The following CSRNP3 variants were observed in gnomAD, a reference collection of about 807,000 sequenced individuals.
CSRNP3 encodes the protein cysteine/serine-rich nuclear protein 3.
Under a neutral mutation model 48.0 loss-of-function variants are expected in CSRNP3, and 12 were observed. The ratio of observed to expected loss-of-function variants is 0.25; its 90% CI spans 0.16 to 0.41. CSRNP3 has a LOEUF of 0.41. CSRNP3 is among the 10% of genes least tolerant of loss of function. The probability of loss-of-function intolerance (pLI) is 1.00; values close to 1 mark genes in which losing one functional copy is unlikely to be tolerated. For synonymous variants in CSRNP3, 263 were observed against 269.7 expected (o/e 0.98, Z 0.24); for missense variants, 580 against 724.4 (o/e 0.80, Z 2.29).
chr2:165,542,528 C>G (rs940528369), intron 3 of CSRNP3, among the ~76,000 whole-genome samples: 6 of 152,126 alleles, frequency 3.9e-5, no homozygotes, highest in Non-Finnish European at 5.9e-5. Context: ...AGCACCTTCA[C>G]TATATCATGA....
Position 165,685,298 on chromosome 2 carries a change from T to C in CSRNP3, c.*5545T>C, listed in dbSNP as rs1307899135. Reference sequence around the variant, plus strand: ...ACCATGAGACCCCCTTCCTAAACAATGCAGTTGTTTTGTTTTATTCTTTTT... The same window carrying C: ...ACCATGAGACCCCCTTCCTAAACAACGCAGTTGTTTTGTTTTATTCTTTTT... On this transcript the variant is annotated 3_prime_UTR_variant, in exon 7 of 7. Coordinates refer to ENST00000651982, the MANE Select transcript of CSRNP3 (RefSeq NM_001172173.2). The C allele has an allele frequency of 6.6e-6, 1 of 152,054 alleles. No homozygotes were observed. Among genetic ancestry groups the C allele is most frequent in the Non-Finnish European group, 1.5e-5 (1 of 67,986 alleles). 9.4% of individuals were successfully genotyped at this position (152,054 alleles called of 1,614,324 possible).
chr2:165,510,285 G>A (rs1487427990), intron 2 of CSRNP3, among the ~76,000 whole-genome samples: 1 of 151,988 alleles, frequency 6.6e-6, no homozygotes, highest in East Asian at 1.9e-4. Context: ...ATGTTCTTTG[G>A]AAACTTTTTG....
At chr2:165,536,323 T>C (rs1179604768) in intron 3 of CSRNP3, among the ~76,000 whole-genome samples, 1 of 151,966 alleles carries the variant, frequency 6.6e-6, no homozygotes, top group African/African-American at 2.4e-5. Context: ...TAACCATGCT[T>C]AAACAAGTTT....
intron 3 of CSRNP3, among the ~76,000 whole-genome samples, chr2:165,594,294 A>G (rs1163892110): frequency 2.0e-5 from 3 of 152,194 alleles, no homozygotes; most frequent in Non-Finnish European, 4.4e-5. Context: ...TTCTGCAAAG[A>G]AAGTTTGTGC....
In CSRNP3 at chr2:165,625,730, C is replaced by T. The variant is rs192983273; in HGVS notation, c.148+30517C>T. On this transcript the variant is annotated intron_variant, in intron 4 of 6. Coordinates refer to ENST00000651982, the MANE Select transcript of CSRNP3 (RefSeq NM_001172173.2). ...CTTTGGGAGGCTGAGGTCAGGAGTT[C>T]GAGACCATCCTGGCCAACATGGTAA... Among the ~76,000 whole-genome samples the T allele has an allele frequency of 1.9e-4, 29 of 149,234 alleles. 3 individuals carry two copies. The East Asian group carries it at 4.3e-3, about 22-fold the overall frequency.
At chr2:165,531,343 A>G (rs928264078) in intron 3 of CSRNP3, among the ~76,000 whole-genome samples, 5 of 152,184 alleles carry the variant, frequency 3.3e-5, no homozygotes, top group Non-Finnish European at 7.4e-5. Context: ...ACACCAATCC[A>G]TACTAATGAC....
chr2:165,639,163 T>G (rs1003937718), intron 4 of CSRNP3, among the ~76,000 whole-genome samples: 35 of 152,220 alleles, frequency 2.3e-4, no homozygotes, highest in Non-Finnish European at 7.3e-5. Context: ...CATTTAGGAA[T>G]AGTAGACAGC....
chr2:165,571,585 A>G (rs1371015618), intron 3 of CSRNP3, among the ~76,000 whole-genome samples: 2 of 152,040 alleles, frequency 1.3e-5, no homozygotes, highest in African/African-American at 2.4e-5. Flanking sequence ...ACTTGTTAAC[A>G]TTGAAATCAG....
intron 5 of CSRNP3, among the ~76,000 whole-genome samples, chr2:165,671,407 G>A (rs1427523881): frequency 6.6e-6 from 1 of 152,218 alleles, no homozygotes; most frequent in Non-Finnish European, 1.5e-5. Flanking sequence ...CTCAACCATG[G>A]CAGAAGGTCA....
intron 3 of CSRNP3, among the ~76,000 whole-genome samples, chr2:165,572,091 A>C (rs1156597429): frequency 6.6e-6 from 1 of 152,152 alleles, no homozygotes; most frequent in Non-Finnish European, 1.5e-5. Flanking sequence ...ATTATTATTC[A>C]ACCTCTTATT....
At chr2:165,673,363 C>T (rs1434296046) in intron 5 of CSRNP3, among the ~76,000 whole-genome samples, 1 of 151,760 alleles carries the variant, frequency 6.6e-6, no homozygotes, top group East Asian at 1.9e-4. Context: ...GTCTCGAACT[C>T]CTGACCTCAA....
chr2:165,599,330 G>A (rs990878468), intron 4 of CSRNP3, among the ~76,000 whole-genome samples: 15 of 78,646 alleles, frequency 1.9e-4, no homozygotes, highest in African/African-American at 7.1e-4. Flanking sequence ...AGAAAGAAAG[G>A]AAAAGAAAAA....
chr2:165,666,060 A>G (rs925580404), intron 5 of CSRNP3, among the ~76,000 whole-genome samples: 4 of 26,508 alleles, frequency 1.5e-4, no homozygotes, highest in Non-Finnish European at 3.9e-4. Flanking sequence ...AAGAGAGAGG[A>G]AGAAAGAAAG....
intron 4 of CSRNP3, among the ~76,000 whole-genome samples, chr2:165,627,034 T>C (rs945257379): frequency 2.0e-5 from 3 of 152,188 alleles, no homozygotes; most frequent in African/African-American, 7.2e-5. Flanking sequence ...TAGTTCTTGA[T>C]GGCTGCCTTT....
rs562875028 is a variant in CSRNP3 at position 165,641,566 on chromosome 2, T to C, written c.149-16195T>C. On this transcript the variant is annotated intron_variant, in intron 4 of 6. Coordinates refer to ENST00000651982, the MANE Select transcript of CSRNP3 (RefSeq NM_001172173.2). ...TTAAAAGAATTCTTCTTCTCACTTT[T>C]TCCTTTTTTCCAACTCTAAAGACCA... Among the ~76,000 whole-genome samples the C allele has an allele frequency of 1.4e-4, 22 of 152,288 alleles. No individual in the cohort carries two copies. In the South Asian group the frequency reaches 4.4e-3, roughly 30 times the overall value.
intron 2 of CSRNP3, among the ~76,000 whole-genome samples, chr2:165,515,619 CTT>C (rs1684571012): frequency 6.6e-6 from 1 of 151,306 alleles, no homozygotes; most frequent in Non-Finnish European, 1.5e-5. Context: ...GCAGCAGAAA[CTT>C]TTATTTCTAG....
chr2:165,550,083 A>T (rs1685078243), intron 3 of CSRNP3, among the ~76,000 whole-genome samples: 1 of 152,174 alleles, frequency 6.6e-6, no homozygotes, highest in African/African-American at 2.4e-5. Flanking sequence ...GGAATTTCAG[A>T]TGTAGTGAAA....
chr2:165,539,897 T>C (rs1558928986), intron 3 of CSRNP3, among the ~76,000 whole-genome samples: 1 of 152,056 alleles, frequency 6.6e-6, no homozygotes, highest in Non-Finnish European at 1.5e-5. Flanking sequence ...TGGAGCAAAT[T>C]CTAAGAAACT....
chr2:165,594,688 G>T (rs1685779844), intron 3 of CSRNP3, among the ~76,000 whole-genome samples: 1 of 152,118 alleles, frequency 6.6e-6, no homozygotes, highest in Admixed American at 6.5e-5. Context: ...TTCATATAAT[G>T]TTGTAATCAA....
Sources: gnomAD v4.1 joint callset for allele counts (sites outside exome capture counted in the v4.1 genomes callset) on GRCh38, gnomAD v4.1.1 for gene constraint, MANE v1.5 for transcripts, NCBI Gene and HGNC (gene_info 2026-07-23, HGNC 2026-07-21) for gene names.